Variants in ZAN observed in about 807,000 individuals in gnomAD.
The protein encoded by ZAN is zonadhesin (gene/pseudogene).
In ZAN, 260 loss-of-function variants were observed where a neutral mutation model predicts 286.2. The observed-to-expected ratio is 0.91, with a 90% CI of 0.82 to 1.01. The LOEUF (loss-of-function observed/expected upper bound fraction) is 1.01. Among genes scored for constraint, ZAN ranks in the 50% least tolerant of loss-of-function variants. The pLI is 0.00. For missense variants in ZAN, 3,410 were observed against 3,639.2 expected, an observed-to-expected ratio of 0.94 and a Z score of 1.62; for synonymous variants, 1,368 against 1,417.5, an observed-to-expected ratio of 0.97 and a Z score of 0.79.
In ZAN at chr7:100,767,144, G is replaced by A. The variant is rs750223994; in HGVS notation, c.4747G>A (p.Val1583Met). ...CAGGTCCCAAGACAGCTATTTTGTT[G>A]TGAGCGCCACCAACGAGAACCGCGG... is the stretch of plus-strand genomic sequence containing the variant. ...WSRSQDSYFV[V>M]SATNENRGGI... Residue 1583 changes from valine to methionine, a missense_variant, in exon 25 of 48, where the codon GTG (valine) becomes ATG (methionine). Val to Met is a conservative substitution (Grantham distance 21, BLOSUM62 1). Coordinates refer to ENST00000613979, the MANE Select transcript of ZAN (RefSeq NM_003386.3). The A allele has an allele frequency of 6.2e-7, 1 of 1,613,870 alleles. No homozygotes were observed. The highest frequency in any genetic ancestry group is 1.1e-5 in the South Asian group (1 of 91,062).
chr7:100,752,744 T>C lies in ZAN; in HGVS notation c.2639T>C (p.Ile880Thr), dbSNP rs768957895. The C allele has an allele frequency of 2.6e-6, 4 of 1,532,896 alleles. No individual in the cohort carries two copies. The South Asian group carries it at 4.7e-5, about 18-fold the overall frequency. The allele number at this position is 1,532,896 out of a possible 1,614,324, so 95.0% of individuals were successfully genotyped here. ...KLTIPTEKLT[I>T]PTEKPTIPIE... is the part of the protein sequence containing the mutation. ...ACCATCCCCACGGAAAAACTCACCATCCCCACGGAAAAACCCACCATCCCC... is the reference window on the plus strand; with the variant it reads ...ACCATCCCCACGGAAAAACTCACCACCCCCACGGAAAAACCCACCATCCCC... Residue 880 changes from isoleucine (I) to threonine (T), a missense_variant, in exon 14 of 48, where the codon ATC becomes ACC. By Grantham distance (89) the Ile-to-Thr change is moderately conservative. This residue lies in a region of ZAN where 51 missense variants were observed against 105.2 expected (regional missense o/e 0.48). Transcript: ENST00000613979.
chr7:100,750,944 A>G (rs753197666), intron 12 of ZAN, 48 bp downstream of exon 12: 7 of 1,513,512 alleles, frequency 4.6e-6, no homozygotes, highest in Middle Eastern at 4.4e-4. Context: ...GAGAGGGCCA[A>G]TGCCTGGGAT....
chr7:100,779,611 C>A lies in ZAN; in HGVS notation c.6483C>A (p.Pro2161=). The A allele has an allele frequency of 6.2e-7, 1 of 1,604,896 alleles. No individual in the cohort carries two copies. Among genetic ancestry groups the A allele is most frequent in the Non-Finnish European group, 8.5e-7 (1 of 1,175,948 alleles). ...AQCASRIDLT[P]FLVDCANTLC... is the part of the protein sequence containing the mutation. ...GCGCCTCCCGCATAGACCTCACGCC[C>A]TTCCTGGTGGACTGTGCAAACACCC... The change falls in exon 35 of 48, where the codon CCC becomes CCA. Residue 2161 remains proline (P), a synonymous_variant. Transcript: ENST00000613979.
intron 11 of ZAN, among the ~76,000 whole-genome samples, chr7:100,749,436 C>T (rs62483591): frequency 0.32 from 48,838 of 150,614 alleles, 8,003 homozygotes; most frequent in South Asian, 0.47. Context: ...GTCAGGAGAT[C>T]GAGACCATCC....
At chr7:100,733,897 C>T in intron 1 of ZAN, 130 bp from the exon 2 acceptor site, 1 of 315,626 alleles carries the variant, frequency 3.2e-6, no homozygotes, top group South Asian at 4.2e-5. Context: ...TGGATTGATC[C>T]TCCAAACCTG....
At chr7:100,792,855 T>C (rs1812078520) in intron 42 of ZAN, among the ~76,000 whole-genome samples, 1 of 151,576 alleles carries the variant, frequency 6.6e-6, no homozygotes, top group South Asian at 2.1e-4. Context: ...TTCACACCTG[T>C]AATCCCAGTG....
chr7:100,743,467 TCACA>T (rs1807958095), intron 7 of ZAN, among the ~76,000 whole-genome samples: 1 of 152,128 alleles, frequency 6.6e-6, no homozygotes, highest in South Asian at 2.1e-4. Flanking sequence ...CTTAATCTTC[TCACA>T]CAGCCCACAT....
chr7:100,749,456 C>T (rs143058637), intron 11 of ZAN, among the ~76,000 whole-genome samples: 31,264 of 150,826 alleles, frequency 0.21, 4,902 homozygotes, highest in East Asian at 0.58. Flanking sequence ...CTGGCTAACA[C>T]GGTGAAACCC....
chr7:100,738,730 GTTTCACGCAAGAAGCTGA>G (rs1172766793), intron 7 of ZAN, 117 bp downstream of exon 7: 2 of 1,161,654 alleles, frequency 1.7e-6, no homozygotes, highest in Non-Finnish European at 2.4e-6. Flanking sequence ...ACCAGCTCAA[GTTTCACGCAAGAAGCTGA>G]TTTCAAGCAC....
intron 27 of ZAN, among the ~76,000 whole-genome samples, 178 bp from the exon 28 acceptor site, chr7:100,769,702 G>A (rs1395711956): frequency 2.6e-5 from 4 of 151,824 alleles, no homozygotes; most frequent in African/African-American, 4.8e-5. Flanking sequence ...ATGCCACCAC[G>A]CCCGGCTAAT....
At position 100,736,630 on chromosome 7, in the gene ZAN, G is replaced by A. The variant is rs764926515; in HGVS notation, c.253+1G>A. ...GCCCCCGGGGGGTACCCTAACGGAG[G>A]TGAGGGGCTATGGTTTCCAGGGGAC... On this transcript the variant is annotated splice_donor_variant, in intron 4 of 47. Coordinates refer to ENST00000613979, the MANE Select transcript of ZAN (RefSeq NM_003386.3). LOFTEE classifies it high-confidence loss of function. 6.6e-7 allele frequency: 1 copy of A among 1,522,116 alleles called. No individual in the cohort carries two copies. The highest frequency in any genetic ancestry group is 9.0e-7 in the Non-Finnish European group (1 of 1,107,442). 94.3% of individuals were successfully genotyped at this position (1,522,116 alleles called of 1,614,324 possible).
At position 100,790,938 on chromosome 7, in the gene ZAN, G is replaced by C. The variant is rs183873398; in HGVS notation, c.7358-4G>C. The C allele has an allele frequency of 2.8e-4, 446 of 1,576,868 alleles. 2 individuals are homozygous for C. In the African/African-American group the frequency reaches 5.4e-3, roughly 19 times the overall value. ...CACTTCTGGGGACCCCCTTCCTCCCGCAGTGATCTCCCTACCCAGCATGTA... is the reference window on the plus strand; with the variant it reads ...CACTTCTGGGGACCCCCTTCCTCCCCCAGTGATCTCCCTACCCAGCATGTA... On this transcript the variant is annotated splice_region_variant and splice_polypyrimidine_tract_variant and intron_variant, in intron 39 of 47. Transcript: ENST00000613979.
At chr7:100,762,389 G>A in intron 20 of ZAN, 31 bp downstream of exon 20, 1 of 1,576,534 alleles carries the variant, frequency 6.3e-7, no homozygotes, top group Non-Finnish European at 8.6e-7. Context: ...CCGGGGCCCT[G>A]GGAAGGTTCC....
In ZAN at chr7:100,764,185, C is replaced by T; in HGVS notation, c.4256C>T (p.Pro1419Leu). The T allele has an allele frequency of 6.4e-7, 1 of 1,563,050 alleles. No individual in the cohort carries two copies. The highest frequency in any genetic ancestry group is 1.2e-5 in the South Asian group (1 of 85,948). Residue 1419 changes from proline to leucine, a missense_variant, in exon 22 of 48, where the codon CCC becomes CTC. By Grantham distance (98) the Pro-to-Leu change is moderately conservative. Around this residue, in one of 7 missense-constraint regions of ZAN, gnomAD observed 1,042 missense variants for 1,058.0 expected, o/e 0.98. Coordinates refer to ENST00000613979, the MANE Select transcript of ZAN (RefSeq NM_003386.3). ...AGHAVKPWREPHFCPMACPPN... is the reference protein window; with the variant it reads ...AGHAVKPWRELHFCPMACPPN... ...CACGCTGTGAAGCCCTGGAGGGAAC[C>T]CCACTTCTGCCGTGAGTTGTGCCAA... is the stretch of plus-strand genomic sequence containing the variant.
At chr7:100,784,519 C>T in intron 35 of ZAN, 104 bp from the exon 36 acceptor site, 1 of 1,165,240 alleles carries the variant, frequency 8.6e-7, no homozygotes, top group Middle Eastern at 2.9e-4. Context: ...AAAAAGCTCC[C>T]CAAGCCTTGT....
Position 100,737,336 on chromosome 7 carries a change from C to T in ZAN, c.600C>T (p.Gly200=), listed in dbSNP as rs760143173. 6 of 1,470,128 alleles carry T rather than the reference C, an allele frequency of 4.1e-6. 1 individual carries two copies. The highest frequency in any genetic ancestry group is 3.6e-5 in the South Asian group (3 of 83,048). 91.1% of individuals were successfully genotyped at this position (1,470,128 alleles called of 1,614,324 possible). Residue 200 remains glycine (G), a synonymous_variant, in exon 6 of 48, where the codon GGC becomes GGT. Coordinates refer to ENST00000613979, the MANE Select transcript of ZAN (RefSeq NM_003386.3). ...TGGATGCCCTCTCTATCCGCCGGGG[C>T]TCCTGTAATCGCGGTGAGTCCCTGT... ...IALDALSIRR[G]SCNRVCMMQT...
chr7:100,795,461 T>C (rs1049289434), intron 45 of ZAN, 125 bp downstream of exon 45: 123 of 973,348 alleles, frequency 1.3e-4, no homozygotes, highest in Non-Finnish European at 1.2e-4. Flanking sequence ...GTTACAGATA[T>C]TATATATTAT....
Position 100,736,467 on chromosome 7 carries a change from GA to G in ZAN, c.107-15del, listed in dbSNP as rs1807297364. 3 of 1,523,164 alleles carry G rather than the reference GA, an allele frequency of 2.0e-6. No individual in the cohort carries two copies. Among genetic ancestry groups the G allele is most frequent in the Non-Finnish European group, 2.7e-6 (3 of 1,107,644 alleles). 94.4% of individuals were successfully genotyped at this position (1,523,164 alleles called of 1,614,324 possible). ...CCTGCCCTCTCTGAAACCTCACTGT[GA>G]CCCATTCTTCCTAGATGTCCTCACC... is the stretch of plus-strand genomic sequence containing the variant. On this transcript the variant is annotated splice_polypyrimidine_tract_variant and intron_variant, in intron 3 of 47. Coordinates refer to ENST00000613979, the MANE Select transcript of ZAN (RefSeq NM_003386.3).
chr7:100,778,067 A>G (rs1810939597), intron 34 of ZAN, among the ~76,000 whole-genome samples: 1 of 151,976 alleles, frequency 6.6e-6, no homozygotes, highest in African/African-American at 2.4e-5. Flanking sequence ...TTGGGAGGCC[A>G]AGACTGGAGG....
Sources: allele counts gnomAD v4.1 joint callset (sites outside exome capture counted in the v4.1 genomes callset), GRCh38; gene constraint gnomAD v4.1.1; regional missense constraint gnomAD v4.1.1; transcripts MANE v1.5; gene names NCBI Gene and HGNC (gene_info 2026-07-23, HGNC 2026-07-21).